The following SCFD1 variants were observed in gnomAD, a reference collection of about 807,000 sequenced individuals.
SCFD1 encodes the protein sec1 family domain containing 1, also known as sec1 family domain-containing protein 1.
A neutral mutation model predicts 103.2 loss-of-function variants in SCFD1; 37 were observed. That is an observed-to-expected ratio of 0.36 (90% CI 0.28 to 0.47). SCFD1 has a LOEUF of 0.47. Ranked by LOEUF, SCFD1 falls within the 20% of genes least tolerant of loss-of-function variation. SCFD1 has a pLI of 1.00. For synonymous variants in SCFD1, 264 were observed against 245.0 expected, an observed-to-expected ratio of 1.08 and a Z score of -0.73; for missense variants, 639 against 761.2, an observed-to-expected ratio of 0.84 and a Z score of 1.89.
At chr14:30,722,692 A>AT (rs772697555) in intron 23 of SCFD1, 133 bp downstream of exon 23, 12 of 465,272 alleles carry the variant, frequency 2.6e-5, no homozygotes, top group Non-Finnish European at 3.7e-5. Context: ...TGCATATATG[A>AT]TTTTTAAATG....
intron 19 of SCFD1, among the ~76,000 whole-genome samples, chr14:30,709,629 G>A (rs190178493): frequency 1.5e-4 from 23 of 152,126 alleles, no homozygotes; most frequent in African/African-American, 4.1e-4. Context: ...TTACTCGTTC[G>A]TAGTACTGTC....
intron 22 of SCFD1, among the ~76,000 whole-genome samples, chr14:30,722,290 A>G (rs1480298719): frequency 1.3e-5 from 2 of 152,122 alleles, no homozygotes; most frequent in East Asian, 1.9e-4. Context: ...TTTCCTCTAA[A>G]TTGTTTCTGA....
intron 24 of SCFD1, 91 bp from the exon 25 acceptor site, chr14:30,735,495 G>GTAA: frequency 2.3e-6 from 2 of 856,338 alleles, no homozygotes; most frequent in Non-Finnish European, 3.9e-6. Context: ...AATAGGAAGT[G>GTAA]TAATTTATTA....
At chr14:30,666,664 TAAAG>T (rs1339613565) in intron 10 of SCFD1, among the ~76,000 whole-genome samples, 2 of 151,548 alleles carry the variant, frequency 1.3e-5, no homozygotes, top group African/African-American at 4.9e-5. Context: ...GCAAGACTAA[TAAAG>T]AAGAAAAGAG....
chr14:30,655,906 T>A (rs1886852803), intron 10 of SCFD1, among the ~76,000 whole-genome samples: 1 of 151,998 alleles, frequency 6.6e-6, no homozygotes, highest in Non-Finnish European at 1.5e-5. Flanking sequence ...GGCAGGAGGA[T>A]CACGTGGGCC....
In SCFD1 at chr14:30,702,314, A is replaced by G. The variant is rs1891135412; in HGVS notation, c.1429A>G (p.Lys477Glu). The G allele has an allele frequency of 6.3e-7, 1 of 1,598,320 alleles. No homozygotes were observed. Among genetic ancestry groups the G allele is most frequent in the East Asian group, 2.3e-5 (1 of 44,368 alleles). ...APSEADLEQY[K>E]KALTDAGCNL... ...ATTTCAGGCTGATTTGGAGCAATAT[A>G]AAAAAGCTTTAACTGATGCAGGATG... Residue 477 changes from lysine (K) to glutamate (E), a missense_variant, in exon 17 of 25, where the codon AAA (lysine) becomes GAA (glutamate). Lys to Glu is a moderately conservative substitution (Grantham distance 56, BLOSUM62 1). Transcript: ENST00000458591.
chr14:30,691,107 C>T (rs1444379831), intron 14 of SCFD1, among the ~76,000 whole-genome samples: 3 of 152,118 alleles, frequency 2.0e-5, no homozygotes, highest in Non-Finnish European at 4.4e-5. Flanking sequence ...GTAATTTTCC[C>T]TATTTTCTGT....
chr14:30,626,484 T>TGCA (rs1247082089), intron 1 of SCFD1, among the ~76,000 whole-genome samples: 1 of 152,158 alleles, frequency 6.6e-6, no homozygotes, highest in Non-Finnish European at 1.5e-5. Flanking sequence ...ACATAGGCCA[T>TGCA]GCAGTGGATC....
chr14:30,646,740 A>G (rs973654631), intron 7 of SCFD1, among the ~76,000 whole-genome samples: 5 of 152,262 alleles, frequency 3.3e-5, no homozygotes, highest in East Asian at 3.9e-4. Context: ...CTGTGAATCC[A>G]TCTGGTCCAG....
chr14:30,696,915 T>A (rs1890739689), intron 15 of SCFD1, among the ~76,000 whole-genome samples: 1 of 152,194 alleles, frequency 6.6e-6, no homozygotes, highest in Non-Finnish European at 1.5e-5. Context: ...AAAGCCCAAT[T>A]TCCCATTGTC....
chr14:30,731,735 T>A (rs1165158559), intron 23 of SCFD1, among the ~76,000 whole-genome samples: 4 of 152,182 alleles, frequency 2.6e-5, no homozygotes, highest in Admixed American at 2.0e-4. Flanking sequence ...GTTGCTTATC[T>A]GCTTAAGGAG....
At chr14:30,632,228 C>T (rs1351338208) in intron 3 of SCFD1, among the ~76,000 whole-genome samples, 1 of 151,982 alleles carries the variant, frequency 6.6e-6, no homozygotes, top group South Asian at 2.1e-4. Flanking sequence ...GAAATGTACT[C>T]TTACTGGGAA....
chr14:30,732,327 A>G (rs1285496577), intron 23 of SCFD1, among the ~76,000 whole-genome samples: 1 of 152,232 alleles, frequency 6.6e-6, no homozygotes, highest in Non-Finnish European at 1.5e-5. Context: ...ATTGTTGAAT[A>G]GAAGAGGCAA....
chr14:30,678,435 A>G (rs10139188), intron 14 of SCFD1, among the ~76,000 whole-genome samples: 11,969 of 152,176 alleles, frequency 0.079, 767 homozygotes, highest in African/African-American at 0.17. Context: ...TGGGTCTAAT[A>G]AAGAGTAAAT....
intron 23 of SCFD1, among the ~76,000 whole-genome samples, chr14:30,733,787 T>G (rs1160567472): frequency 6.6e-6 from 1 of 152,188 alleles, no homozygotes; most frequent in Non-Finnish European, 1.5e-5. Context: ...GTCATGCTGG[T>G]CATGCAGCCC....
At chr14:30,653,445 C>T in intron 9 of SCFD1, 44 bp from the exon 10 acceptor site, 2 of 1,192,342 alleles carry the variant, frequency 1.7e-6, no homozygotes, top group South Asian at 1.2e-5. Context: ...GATGTATACA[C>T]TGGTATCAAG....
intron 21 of SCFD1, among the ~76,000 whole-genome samples, chr14:30,720,783 A>G (rs150367040): frequency 6.6e-6 from 1 of 152,282 alleles, no homozygotes; most frequent in Non-Finnish European, 1.5e-5. Flanking sequence ...CATTTTACAT[A>G]AGGTACTTGA....
chr14:30,720,875 G>A lies in SCFD1; in HGVS notation c.1737-1009G>A, dbSNP rs1371619355. ...CAAGGGAGACTATACTTGGCTTCTT[G>A]GAAATTTACTGAGAAATATTTAATC... On this transcript the variant is annotated intron_variant, in intron 21 of 24. Coordinates refer to ENST00000458591, the MANE Select transcript of SCFD1 (RefSeq NM_016106.4). Among the ~76,000 whole-genome samples the A allele has an allele frequency of 3.9e-5, 6 of 152,144 alleles. No homozygotes were observed. In the East Asian group the frequency reaches 1.2e-3, roughly 29 times the overall value.
At chr14:30,656,431 A>G (rs937402309) in intron 10 of SCFD1, among the ~76,000 whole-genome samples, 11 of 152,104 alleles carry the variant, frequency 7.2e-5, no homozygotes, top group African/African-American at 2.4e-4. Context: ...GGACCTGATC[A>G]TTCTTTGTTG....
Sources: allele counts gnomAD v4.1 joint callset (sites outside exome capture counted in the v4.1 genomes callset), GRCh38; gene constraint gnomAD v4.1.1; transcripts MANE v1.5; gene names NCBI Gene and HGNC (gene_info 2026-07-23, HGNC 2026-07-21).